Variants in TMEM132D observed in about 807,000 individuals in gnomAD.
TMEM132D encodes transmembrane protein 132D.
TMEM132D carries 21 observed loss-of-function variants against 62.3 expected under a neutral mutation model. The ratio of observed to expected loss-of-function variants is 0.34; its 90% CI spans 0.24 to 0.49. The LOEUF is 0.49. Among genes scored for constraint, TMEM132D ranks in the 20% least tolerant of loss-of-function variants. The pLI is 0.99. For missense variants in TMEM132D, 1,346 were observed against 1,402.8 expected (o/e 0.96, Z 0.65); for synonymous variants, 621 against 575.6 (o/e 1.08, Z -1.13).
intron 3 of TMEM132D, among the ~76,000 whole-genome samples, chr12:129,468,134 T>C (rs927695735): frequency 4.6e-5 from 7 of 152,120 alleles, no homozygotes; most frequent in Admixed American, 2.6e-4. Flanking sequence ...ATTTAGTAGA[T>C]AAAGCAAAGA....
At chr12:129,099,520 C>T (rs868725971) in intron 5 of TMEM132D, among the ~76,000 whole-genome samples, 1 of 152,204 alleles carries the variant, frequency 6.6e-6, no homozygotes, top group Admixed American at 6.5e-5. Context: ...AGAAGCCAGC[C>T]TCTGTGTCAT....
chr12:129,524,920 C>CTTTTTTTTTTTTTTTTTTTTTT lies in TMEM132D; in HGVS notation c.1115+6138_1115+6139insAAAAAAAAAAAAAAAAAAAAAA, dbSNP rs761892015. On this transcript the variant is annotated intron_variant, in intron 3 of 8. Transcript: ENST00000422113. The stretch of plus-strand genomic sequence containing the variant: ...CATTTTATTATTTTCATATTTTTTT[C>CTTTTTTTTTTTTTTTTTTTTTT]TTTTTTCTTTTTTTTTTTTTTTTTG... Among the ~76,000 whole-genome samples, 4 of 92,170 alleles carry CTTTTTTTTTTTTTTTTTTTTTT rather than the reference C, an allele frequency of 4.3e-5. 1 individual carries two copies. Among genetic ancestry groups the CTTTTTTTTTTTTTTTTTTTTTT allele is most frequent in the Non-Finnish European group, 7.8e-5 (4 of 51,274 alleles). 60.5% of individuals were successfully genotyped at this position (92,170 alleles called of 152,430 possible).
chr12:129,528,547 G>A (rs557726074), intron 3 of TMEM132D, among the ~76,000 whole-genome samples: 1 of 152,148 alleles, frequency 6.6e-6, no homozygotes, highest in Admixed American at 6.5e-5. Flanking sequence ...GCAGTTGCCA[G>A]TCCTTTGTGT....
chr12:129,374,163 C>A (rs1870707636), intron 3 of TMEM132D, among the ~76,000 whole-genome samples: 3 of 152,006 alleles, frequency 2.0e-5, no homozygotes, highest in African/African-American at 7.3e-5. Context: ...TATTTCTCAG[C>A]ATTCTGGAAG....
chr12:129,832,920 C>T (rs964239501), intron 1 of TMEM132D, among the ~76,000 whole-genome samples: 1 of 152,188 alleles, frequency 6.6e-6, no homozygotes, highest in African/African-American at 2.4e-5. Context: ...TAAGAACTAG[C>T]AAACTCATTT....
chr12:129,685,129 G>C (rs264518), intron 2 of TMEM132D, among the ~76,000 whole-genome samples: 1 of 152,104 alleles, frequency 6.6e-6, no homozygotes, highest in Non-Finnish European at 1.5e-5. Flanking sequence ...ATTTTCTGAG[G>C]AGAAATTTAA....
At chr12:129,273,312 C>G (rs1362057889) in intron 4 of TMEM132D, among the ~76,000 whole-genome samples, 1 of 151,434 alleles carries the variant, frequency 6.6e-6, no homozygotes, top group African/African-American at 2.4e-5. Flanking sequence ...ATTAATTTGT[C>G]AAGCACTGTG....
chr12:129,536,138 T>A (rs1162987853), intron 2 of TMEM132D, among the ~76,000 whole-genome samples: 1 of 152,176 alleles, frequency 6.6e-6, no homozygotes, highest in Admixed American at 6.5e-5. Flanking sequence ...CCCCCAGAGA[T>A]TCATGTGGCC....
At chr12:129,151,923 G>A (rs1877084891) in intron 5 of TMEM132D, among the ~76,000 whole-genome samples, 1 of 149,756 alleles carries the variant, frequency 6.7e-6, no homozygotes, top group Non-Finnish European at 1.5e-5. Flanking sequence ...TGTTGTCCAG[G>A]CTGGAGTGCA....
chr12:129,279,180 CA>C (rs1881077510), intron 4 of TMEM132D, among the ~76,000 whole-genome samples: 1 of 152,194 alleles, frequency 6.6e-6, no homozygotes, highest in African/African-American at 2.4e-5. Flanking sequence ...CGGCAGTCTG[CA>C]GTTTTCAATT....
At chr12:129,834,415 A>G (rs912776611) in intron 1 of TMEM132D, among the ~76,000 whole-genome samples, 1 of 151,996 alleles carries the variant, frequency 6.6e-6, no homozygotes, top group Non-Finnish European at 1.5e-5. Flanking sequence ...CCATTGGAAC[A>G]GGGCACATGG....
At chr12:129,451,455 T>C (rs748175461) in intron 3 of TMEM132D, among the ~76,000 whole-genome samples, 28 of 152,206 alleles carry the variant, frequency 1.8e-4, no homozygotes, top group Non-Finnish European at 3.2e-4. Context: ...AGTGACTAGA[T>C]GCTTTATAGA....
At chr12:129,218,332 T>C (rs1165820078) in intron 4 of TMEM132D, among the ~76,000 whole-genome samples, 1 of 152,196 alleles carries the variant, frequency 6.6e-6, no homozygotes, top group South Asian at 2.1e-4. Context: ...TTAGGCGATT[T>C]CATCGTTGTG....
chr12:129,863,086 T>C (rs879907683), intron 1 of TMEM132D, among the ~76,000 whole-genome samples: 2 of 152,150 alleles, frequency 1.3e-5, no homozygotes. Flanking sequence ...GGGCTTGGAA[T>C]TGGGAACAGG....
chr12:129,244,402 A>C (rs372686571), intron 4 of TMEM132D, among the ~76,000 whole-genome samples: 6 of 84,254 alleles, frequency 7.1e-5, no homozygotes, highest in African/African-American at 2.3e-4. Context: ...AAAAAAAAAA[A>C]AAAAAAACAA....
At chr12:129,500,144 C>A (rs1875088894) in intron 3 of TMEM132D, among the ~76,000 whole-genome samples, 1 of 145,966 alleles carries the variant, frequency 6.9e-6, no homozygotes, top group Non-Finnish European at 1.5e-5. Context: ...CCAACACATA[C>A]CCTGAGTGGG....
rs560634480 is a variant in TMEM132D, at chr12:129,660,157, A to AAG, written c.968+39651_968+39652dup. 2.0e-3 allele frequency among the ~76,000 whole-genome samples: 295 copies of AAG among 150,552 alleles called. 1 individual carries two copies. Among genetic ancestry groups the AAG allele is most frequent in the Non-Finnish European group, 2.5e-3 (169 of 67,476 alleles). ...GAGATGGATGACTCATGTATTGTAA[A>AAG]AGAGAGAGAGAGAGAGAGGCTCAAA... On this transcript the variant is annotated intron_variant, in intron 2 of 8. Coordinates refer to ENST00000422113, the MANE Select transcript of TMEM132D (RefSeq NM_133448.3).
At chr12:129,638,662 T>C (rs1593100366) in intron 2 of TMEM132D, among the ~76,000 whole-genome samples, 1 of 150,804 alleles carries the variant, frequency 6.6e-6, no homozygotes, top group Non-Finnish European at 1.5e-5. Context: ...GTTTAGAAAA[T>C]GGACCCATGG....
At chr12:129,651,786 G>A (rs1025432677) in intron 2 of TMEM132D, among the ~76,000 whole-genome samples, 3 of 152,278 alleles carry the variant, frequency 2.0e-5, no homozygotes, top group Middle Eastern at 3.4e-3. Context: ...AGTCATGCAT[G>A]TATACAGTAG....
Sources: gnomAD v4.1 joint callset for allele counts (sites outside exome capture counted in the v4.1 genomes callset) on GRCh38, gnomAD v4.1.1 for gene constraint, MANE v1.5 for transcripts, NCBI Gene and HGNC (gene_info 2026-07-23, HGNC 2026-07-21) for gene names.